The following SLC7A14 variants were observed in gnomAD, a reference collection of about 807,000 sequenced individuals.
SLC7A14 encodes gamma-aminobutyric acid transporter SLC7A14.
In SLC7A14, 37 loss-of-function variants were observed where a neutral mutation model predicts 60.2. The ratio of observed to expected loss-of-function variants is 0.61; its 90% CI spans 0.47 to 0.81. The LOEUF is 0.81. Among genes scored for constraint, SLC7A14 ranks in the 30% least tolerant of loss-of-function variants. The pLI is 0.00. For missense variants in SLC7A14, 886 were observed against 982.7 expected (o/e 0.90, Z 1.32); for synonymous variants, 399 against 395.8 (o/e 1.01, Z -0.10).
At chr3:170,525,852 T>G (rs1350485636) in intron 2 of SLC7A14, among the ~76,000 whole-genome samples, 1 of 152,044 alleles carries the variant, frequency 6.6e-6, no homozygotes, top group South Asian at 2.1e-4. Context: ...CCTCCCAAAG[T>G]GCGGGGTCAG....
intron 1 of SLC7A14, among the ~76,000 whole-genome samples, chr3:170,552,951 C>G (rs748398982): frequency 6.6e-6 from 1 of 152,210 alleles, no homozygotes; most frequent in Non-Finnish European, 1.5e-5. Flanking sequence ...TCCACATGCA[C>G]TGCCCCTCTA....
intron 1 of SLC7A14, among the ~76,000 whole-genome samples, chr3:170,566,598 A>C (rs968472993): frequency 1.3e-5 from 2 of 152,096 alleles, no homozygotes; most frequent in African/African-American, 4.8e-5. Context: ...TGTTGTCAGA[A>C]CCTTCCATCA....
chr3:170,473,796 A>C (rs1198173743), intron 7 of SLC7A14, among the ~76,000 whole-genome samples: 2 of 152,208 alleles, frequency 1.3e-5, no homozygotes, highest in Non-Finnish European at 2.9e-5. Flanking sequence ...AGTTGGGCGG[A>C]GATTCTCTCC....
intron 2 of SLC7A14, among the ~76,000 whole-genome samples, chr3:170,519,209 T>C (rs1166652228): frequency 1.3e-5 from 2 of 152,136 alleles, no homozygotes; most frequent in East Asian, 1.9e-4. Flanking sequence ...CATCGTAAAT[T>C]GGGAATCAGA....
At chr3:170,467,471 TGGCGGGGTGG>T (rs1434568632) in intron 7 of SLC7A14, 94 bp from the exon 8 acceptor site, 1 of 100,900 alleles carries the variant, frequency 9.9e-6, no homozygotes. Context: ...AAATCAAAGC[TGGCGGGGTGG>T]GGGGCGGTGG....
chr3:170,573,844 T>C (rs952819945), intron 1 of SLC7A14, among the ~76,000 whole-genome samples: 2 of 152,216 alleles, frequency 1.3e-5, no homozygotes, highest in African/African-American at 4.8e-5. Flanking sequence ...ATCCTGACAC[T>C]GTGCCCACAG....
At position 170,490,569 on chromosome 3, in the gene SLC7A14, C is replaced by T. The variant is rs546266986; in HGVS notation, c.760-4201G>A. Among the ~76,000 whole-genome samples, 134 of 152,272 alleles carry T rather than the reference C, an allele frequency of 8.8e-4. 2 individuals carry two copies. The highest frequency in any genetic ancestry group is 3.1e-3 in the African/African-American group (128 of 41,548). On this transcript the variant is annotated intron_variant, in intron 4 of 7. Transcript: ENST00000231706. Reference sequence around the variant, plus strand: ...TGTTTAACTTGAAGAGCAGAAGACTCAGTGGAAGATGAAGAGGACACCTTT... The same window carrying T: ...TGTTTAACTTGAAGAGCAGAAGACTTAGTGGAAGATGAAGAGGACACCTTT...
rs1202117693 is a variant in SLC7A14 at position 170,465,026 on chromosome 3, G to C, written c.*2029C>G. On this transcript the variant is annotated 3_prime_UTR_variant, in exon 8 of 8. Transcript: ENST00000231706. ...TAGTTTATAATTAATTCCTAATGCT[G>C]TATTTCACAGAGTAGGCACTGTATC... 1 of 152,182 alleles carries C rather than the reference G, an allele frequency of 6.6e-6. No homozygotes were observed. 9.4% of individuals were successfully genotyped at this position (152,182 alleles called of 1,614,324 possible). A position where few individuals can be genotyped will look rare whatever the true frequency, so the allele number is the denominator to read the frequency against.
intron 2 of SLC7A14, among the ~76,000 whole-genome samples, chr3:170,519,341 A>T (rs1440402799): frequency 6.6e-6 from 1 of 152,200 alleles, no homozygotes; most frequent in Non-Finnish European, 1.5e-5. Context: ...CTATCAACAG[A>T]ATTCTGTAAT....
intron 1 of SLC7A14, among the ~76,000 whole-genome samples, chr3:170,580,217 A>T (rs969672808): frequency 1.9e-4 from 29 of 152,242 alleles, no homozygotes; most frequent in African/African-American, 6.8e-4. Context: ...AAAATAGGAC[A>T]TTCTTCAACT....
intron 1 of SLC7A14, among the ~76,000 whole-genome samples, chr3:170,565,097 G>A (rs1176604662): frequency 2.6e-5 from 4 of 152,146 alleles, no homozygotes; most frequent in Non-Finnish European, 5.9e-5. Flanking sequence ...CTATTTCAAG[G>A]CAACTTCAGT....
chr3:170,486,228 A>G lies in SLC7A14; in HGVS notation c.900T>C (p.Tyr300=), dbSNP rs370596121. ...GCAAGCATCTGGTACTTACAGACACATATGCTGTCAGGCAGATGACCAGGG... is the reference window on the plus strand; with the variant it reads ...GCAAGCATCTGGTACTTACAGACACGTATGCTGTCAGGCAGATGACCAGGG... The part of the protein sequence containing the change: ...TASLVICLTA[Y]VSVSVILTLM... Residue 300 remains tyrosine (Y), a synonymous_variant, in exon 5 of 8, where the codon TAT becomes TAC. Transcript: ENST00000231706. The G allele has an allele frequency of 1.2e-6, 2 of 1,614,038 alleles. No individual in the cohort carries two copies. The highest frequency in any genetic ancestry group is 3.3e-5 in the Admixed American group (2 of 60,002).
At chr3:170,577,281 C>T (rs1253764187) in intron 1 of SLC7A14, among the ~76,000 whole-genome samples, 1 of 152,208 alleles carries the variant, frequency 6.6e-6, no homozygotes, top group African/African-American at 2.4e-5. Context: ...GAAAGCAGAT[C>T]TTCTGACTCC....
Position 170,483,517 on chromosome 3 carries a change from G to T in SLC7A14, c.912C>A (p.Ser304Arg). ...ATGGCACCATCAGAGTTAAGATCAC[G>T]CTCACCTGTTAAAACAAGAGAAGAC... Reference protein sequence around the residue: ...VICLTAYVSVSVILTLMVPYY... With the variant: ...VICLTAYVSVRVILTLMVPYY... The change falls in exon 6 of 8, where the codon AGC becomes AGA. Residue 304 changes from serine to arginine, a missense_variant. Ser to Arg is a moderately radical substitution (Grantham distance 110, BLOSUM62 -1). Coordinates refer to ENST00000231706, the MANE Select transcript of SLC7A14 (RefSeq NM_020949.3). 6.2e-7 allele frequency: 1 copy of T among 1,614,138 alleles called. No individual in the cohort carries two copies. The highest frequency in any genetic ancestry group is 1.1e-5 in the South Asian group (1 of 91,080).
At chr3:170,507,931 A>G (rs1005226231) in intron 2 of SLC7A14, among the ~76,000 whole-genome samples, 2 of 152,156 alleles carry the variant, frequency 1.3e-5, no homozygotes, top group African/African-American at 4.8e-5. Flanking sequence ...GAGCATGGGA[A>G]TGGGAAGAGG....
intron 1 of SLC7A14, among the ~76,000 whole-genome samples, chr3:170,541,909 A>C (rs1048634549): frequency 2.6e-5 from 4 of 152,212 alleles, no homozygotes; most frequent in South Asian, 2.1e-4. Flanking sequence ...AAAACACAGA[A>C]GCTCCCAGAA....
chr3:170,497,017 C>CGG (rs1206904708), intron 4 of SLC7A14, among the ~76,000 whole-genome samples: 1 of 134,612 alleles, frequency 7.4e-6, no homozygotes, highest in Non-Finnish European at 1.5e-5. Context: ...AGCCCACGCG[C>CGG]GGGGGAGTTT....
Position 170,480,565 on chromosome 3 carries a change from A to C in SLC7A14, c.1717T>G (p.Phe573Val), listed in dbSNP as rs1327169079. Residue 573 changes from phenylalanine to valine, a missense_variant, in exon 7 of 8, where the codon TTC becomes GTC. By Grantham distance (50) the Phe-to-Val change is conservative. Transcript: ENST00000231706. ...GAGCAGAAGATGAACATGAGGATGA[A>C]GAGCAGGAGCACGCAGATGGTCACC... ...HTVTICVLLL[F>V]ILMFIFCSFI... The C allele has an allele frequency of 1.2e-6, 2 of 1,614,238 alleles. No individual in the cohort carries two copies. Among genetic ancestry groups the C allele is most frequent in the South Asian group, 2.2e-5 (2 of 91,090 alleles).
intron 2 of SLC7A14, among the ~76,000 whole-genome samples, chr3:170,510,127 C>G: frequency 7.0e-6 from 1 of 142,532 alleles, no homozygotes; most frequent in Admixed American, 7.1e-5. Flanking sequence ...TGGTGACTCA[C>G]GCCTGTAATC....
Sources: gnomAD v4.1 joint callset for allele counts (sites outside exome capture counted in the v4.1 genomes callset) on GRCh38, gnomAD v4.1.1 for gene constraint, MANE v1.5 for transcripts, NCBI Gene and HGNC (gene_info 2026-07-23, HGNC 2026-07-21) for gene names.